Variants in GOLM2 observed in about 807,000 individuals in gnomAD.
GOLM2 encodes the protein golgi membrane protein 2.
In GOLM2, 26 loss-of-function variants were observed where a neutral mutation model predicts 55.9. That is an observed-to-expected ratio of 0.47 (90% CI 0.34 to 0.65). The LOEUF is 0.65. Among genes scored for constraint, GOLM2 ranks in the 30% least tolerant of loss-of-function variants. GOLM2 has a pLI of 0.01. For missense variants in GOLM2, 486 were observed against 531.8 expected, an observed-to-expected ratio of 0.91 and a Z score of 0.85; for synonymous variants, 165 against 194.6, an observed-to-expected ratio of 0.85 and a Z score of 1.27.
intron 1 of GOLM2, among the ~76,000 whole-genome samples, chr15:44,294,285 C>T (rs1488217189): frequency 6.6e-6 from 1 of 152,134 alleles, no homozygotes; most frequent in Non-Finnish European, 1.5e-5. Flanking sequence ...GCATTAGAAA[C>T]CAAGGTCTGC....
At chr15:44,385,398 A>G (rs950586041) in intron 8 of GOLM2, among the ~76,000 whole-genome samples, 52 of 126,150 alleles carry the variant, frequency 4.1e-4, no homozygotes, top group African/African-American at 1.6e-3. Context: ...ACTTTCATTC[A>G]TTCCTTCTAC....
At chr15:44,351,664 T>C (rs2079165974) in intron 6 of GOLM2, among the ~76,000 whole-genome samples, 1 of 150,872 alleles carries the variant, frequency 6.6e-6, no homozygotes, top group Non-Finnish European at 1.5e-5. Flanking sequence ...TTGCAGGTGA[T>C]GTTATATTTG....
At chr15:44,316,323 C>G (rs985105382) in intron 1 of GOLM2, among the ~76,000 whole-genome samples, 2 of 151,666 alleles carry the variant, frequency 1.3e-5, no homozygotes, top group Non-Finnish European at 1.5e-5. Flanking sequence ...CAGTGAGACT[C>G]CATCTCTAAA....
chr15:44,388,806 G>A (rs1350076669), intron 8 of GOLM2, among the ~76,000 whole-genome samples: 1 of 151,994 alleles, frequency 6.6e-6, no homozygotes, highest in African/African-American at 2.4e-5. Flanking sequence ...GCATCACTGA[G>A]CCCAATGAAA....
At chr15:44,312,378 C>G (rs925744861) in intron 1 of GOLM2, among the ~76,000 whole-genome samples, 1 of 152,098 alleles carries the variant, frequency 6.6e-6, no homozygotes, top group Non-Finnish European at 1.5e-5. Context: ...TTTCTCCTTT[C>G]TCAAGCTTAG....
chr15:44,377,189 A>G (rs1352018484), intron 6 of GOLM2, among the ~76,000 whole-genome samples: 1 of 152,064 alleles, frequency 6.6e-6, no homozygotes, highest in Non-Finnish European at 1.5e-5. Flanking sequence ...CCCGGACCAC[A>G]TAGTAAGACC....
intron 1 of GOLM2, among the ~76,000 whole-genome samples, chr15:44,298,208 A>G (rs970737994): frequency 6.7e-6 from 1 of 149,048 alleles, no homozygotes. Flanking sequence ...ATCCATGTCC[A>G]CTATGAAGCC....
intron 1 of GOLM2, among the ~76,000 whole-genome samples, chr15:44,318,425 G>T (rs994834363): frequency 1.3e-5 from 2 of 152,168 alleles, no homozygotes; most frequent in Admixed American, 6.5e-5. Context: ...TTGCAAATTG[G>T]GACTGGGTGT....
chr15:44,334,941 G>A (rs1171039840), intron 4 of GOLM2, among the ~76,000 whole-genome samples: 6 of 152,180 alleles, frequency 3.9e-5, no homozygotes, highest in Non-Finnish European at 7.3e-5. Flanking sequence ...TGAGGCAGGA[G>A]AATCCTTTGA....
chr15:44,297,827 C>G (rs2078767995), intron 1 of GOLM2, among the ~76,000 whole-genome samples: 1 of 149,982 alleles, frequency 6.7e-6, no homozygotes, highest in Admixed American at 6.7e-5. Context: ...CTTGGCCTCC[C>G]AAAGTGTTGG....
chr15:44,381,919 C>A (rs984846204), intron 8 of GOLM2, among the ~76,000 whole-genome samples: 5 of 152,154 alleles, frequency 3.3e-5, no homozygotes, highest in African/African-American at 1.2e-4. Context: ...TCACAAAGTG[C>A]TGGGATTACA....
At chr15:44,379,824 C>A in intron 7 of GOLM2, 36 bp downstream of exon 7, 3 of 1,202,036 alleles carry the variant, frequency 2.5e-6, no homozygotes, top group South Asian at 1.2e-5. Flanking sequence ...CATTTGAAAC[C>A]AACTTACTAG....
intron 1 of GOLM2, among the ~76,000 whole-genome samples, chr15:44,310,718 G>A (rs2078869865): frequency 6.7e-6 from 1 of 149,658 alleles, no homozygotes; most frequent in Admixed American, 6.6e-5. Context: ...CAATCAATCA[G>A]TCAATTAAAA....
chr15:44,373,379 C>T (rs1340254797), intron 6 of GOLM2, among the ~76,000 whole-genome samples: 1 of 151,370 alleles, frequency 6.6e-6, no homozygotes, highest in Non-Finnish European at 1.5e-5. Context: ...ATGGCGTGAA[C>T]CCGGGAGGCG....
intron 8 of GOLM2, among the ~76,000 whole-genome samples, chr15:44,399,335 G>C (rs181453396): frequency 6.6e-6 from 1 of 152,282 alleles, no homozygotes; most frequent in Admixed American, 6.5e-5. Context: ...TGTTGTCTGT[G>C]AAATGTTGGA....
intron 1 of GOLM2, among the ~76,000 whole-genome samples, chr15:44,302,054 G>A (rs1310521914): frequency 6.6e-6 from 1 of 151,984 alleles, no homozygotes; most frequent in African/African-American, 2.4e-5. Context: ...ATTTGATGTT[G>A]CACTACAAGA....
At chr15:44,394,038 G>A (rs2079508953) in intron 8 of GOLM2, among the ~76,000 whole-genome samples, 1 of 152,116 alleles carries the variant, frequency 6.6e-6, no homozygotes, top group Non-Finnish European at 1.5e-5. Context: ...GTGGATTTTG[G>A]TATCTGCTGG....
chr15:44,304,230 C>CTTCTTTTTTTTTT lies in GOLM2; in HGVS notation c.327+14876_327+14877insCTTTTTTTTTTTT, dbSNP rs1301281420. Among the ~76,000 whole-genome samples the CTTCTTTTTTTTTT allele has an allele frequency of 9.6e-5, 8 of 82,926 alleles. 2 individuals carry two copies. In the East Asian group the frequency reaches 1.7e-3, roughly 18 times the overall value. 54.4% of individuals were successfully genotyped at this position (82,926 alleles called of 152,430 possible). ...TCAGTCACGTCTTCAGGCTCCACTTCTTTTTTTTTTTTTTTTTTTTTTTTT... is the reference window on the plus strand; with the variant it reads ...TCAGTCACGTCTTCAGGCTCCACTTCTTCTTTTTTTTTTTTTTTTTTTTTTTTTTTTTTTTTTT... On this transcript the variant is annotated intron_variant, in intron 1 of 9. Coordinates refer to ENST00000299957, the MANE Select transcript of GOLM2 (RefSeq NM_138423.4).
chr15:44,372,241 G>A (rs1187786352), intron 6 of GOLM2, among the ~76,000 whole-genome samples: 2 of 152,212 alleles, frequency 1.3e-5, no homozygotes, highest in Non-Finnish European at 2.9e-5. Context: ...CAGTACGTCT[G>A]TGGTAGTGTC....
Sources: allele counts gnomAD v4.1 joint callset (sites outside exome capture counted in the v4.1 genomes callset), GRCh38; gene constraint gnomAD v4.1.1; transcripts MANE v1.5; gene names NCBI Gene and HGNC (gene_info 2026-07-23, HGNC 2026-07-21).